TNFSF4: variants seen among roughly 807,000 people sequenced by gnomAD.
TNFSF4 encodes the protein TNF superfamily member 4, also known as tumor necrosis factor ligand superfamily member 4.
TNFSF4 carries 4 observed loss-of-function variants against 7.3 expected under a neutral mutation model. The observed-to-expected ratio is 0.55, with a 90% CI of 0.27 to 1.25. TNFSF4 has a LOEUF of 1.25. TNFSF4 is among the 50% of genes most tolerant of loss of function. The pLI, the probability that TNFSF4 is intolerant of heterozygous loss-of-function variation, is 0.12. For synonymous variants in TNFSF4, 76 were observed against 83.7 expected (o/e 0.91, Z 0.50); for missense variants, 181 against 208.8 (o/e 0.87, Z 0.82).
chr1:173,370,944 AC>A, the TNFSF4 span, among the ~76,000 whole-genome samples: 90 of 152,130 alleles, frequency 5.9e-4, no homozygotes, highest in African/African-American at 2.0e-3. Context: ...GAAACAAGCC[AC>A]CCCCTCATCC....
the TNFSF4 span, among the ~76,000 whole-genome samples, chr1:173,389,442 T>C: frequency 1.3e-5 from 2 of 152,210 alleles, no homozygotes; most frequent in Non-Finnish European, 2.9e-5. Context: ...CCTTTTTTTC[T>C]TTCTTGTTAC....
the TNFSF4 span, among the ~76,000 whole-genome samples, chr1:173,435,211 T>A: frequency 1.3e-5 from 2 of 152,222 alleles, no homozygotes; most frequent in African/African-American, 4.8e-5. Context: ...AGACAGGCTT[T>A]ACCTACTAGA....
At chr1:173,415,961 C>T in the TNFSF4 span, among the ~76,000 whole-genome samples, 6 of 152,276 alleles carry the variant, frequency 3.9e-5, no homozygotes, top group South Asian at 1.2e-3. Flanking sequence ...AAAGGAATGT[C>T]ATGATGTGGG....
At chr1:173,254,476 G>T in the TNFSF4 span, among the ~76,000 whole-genome samples, 5 of 152,086 alleles carry the variant, frequency 3.3e-5, no homozygotes, top group African/African-American at 4.8e-5. Context: ...CTGTTTTCAG[G>T]ATAAAATGGT....
the TNFSF4 span, among the ~76,000 whole-genome samples, chr1:173,361,158 G>T: frequency 6.6e-6 from 1 of 152,220 alleles, no homozygotes; most frequent in Non-Finnish European, 1.5e-5. Context: ...AATAACACCA[G>T]ATGTTTGTTA....
the TNFSF4 span, among the ~76,000 whole-genome samples, chr1:173,433,628 G>C: frequency 6.6e-6 from 1 of 152,090 alleles, no homozygotes; most frequent in African/African-American, 2.4e-5. Context: ...CCTGAGCCTG[G>C]GGAGATCAAG....
chr1:173,268,081 A>G, the TNFSF4 span, among the ~76,000 whole-genome samples: 1 of 152,142 alleles, frequency 6.6e-6, no homozygotes, highest in Non-Finnish European at 1.5e-5. Flanking sequence ...TCAAGGACAA[A>G]GGAGAAACAA....
chr1:173,337,165 T>G, the TNFSF4 span, among the ~76,000 whole-genome samples: 1 of 152,170 alleles, frequency 6.6e-6, no homozygotes, highest in Non-Finnish European at 1.5e-5. Flanking sequence ...TGTATTGCAG[T>G]GCAGGCCCCT....
upstream of TNFSF4, among the ~76,000 whole-genome samples, chr1:173,209,235 T>G (rs2102005951): frequency 6.6e-6 from 1 of 152,310 alleles, no homozygotes; most frequent in Admixed American, 6.5e-5. Context: ...GCTCTTCACA[T>G]TCTTTGTGGG....
At chr1:173,448,285 C>A in the TNFSF4 span, among the ~76,000 whole-genome samples, 1 of 152,168 alleles carries the variant, frequency 6.6e-6, no homozygotes, top group South Asian at 2.1e-4. Context: ...TTATAAAACA[C>A]TCTACCCAAC....
At chr1:173,238,554 C>A in the TNFSF4 span, among the ~76,000 whole-genome samples, 91 of 149,956 alleles carry the variant, frequency 6.1e-4, 1 homozygote, top group African/African-American at 2.2e-3. Flanking sequence ...CTTAAACAAA[C>A]ATACAAGCAA....
the TNFSF4 span, among the ~76,000 whole-genome samples, chr1:173,421,316 T>A: frequency 6.6e-6 from 1 of 152,276 alleles, no homozygotes; most frequent in East Asian, 1.9e-4. Context: ...TAGATTCTTA[T>A]TTGATAAATT....
the TNFSF4 span, among the ~76,000 whole-genome samples, chr1:173,408,147 A>C: frequency 6.6e-6 from 1 of 152,204 alleles, no homozygotes; most frequent in African/African-American, 2.4e-5. Flanking sequence ...ATAGCAACCC[A>C]AACAGACTAA....
the TNFSF4 span, among the ~76,000 whole-genome samples, chr1:173,356,648 A>T: frequency 1.3e-5 from 2 of 152,188 alleles, no homozygotes; most frequent in East Asian, 3.8e-4. Flanking sequence ...TTCACAATCC[A>T]AGCTATATGT....
At chr1:173,410,090 C>A in the TNFSF4 span, among the ~76,000 whole-genome samples, 1 of 151,902 alleles carries the variant, frequency 6.6e-6, no homozygotes, top group Non-Finnish European at 1.5e-5. Context: ...CATAGTGAGA[C>A]CTCATCTCTA....
At chr1:173,242,231 T>G in the TNFSF4 span, among the ~76,000 whole-genome samples, 1 of 152,136 alleles carries the variant, frequency 6.6e-6, no homozygotes, top group African/African-American at 2.4e-5. Flanking sequence ...ATACTCACTC[T>G]CCTTTTAAAA....
the TNFSF4 span, among the ~76,000 whole-genome samples, chr1:173,428,357 G>A: frequency 6.6e-6 from 1 of 152,184 alleles, no homozygotes; most frequent in African/African-American, 2.4e-5. Flanking sequence ...GGAGGATACT[G>A]TTACAGAGGA....
At chr1:173,172,997 G>T in the TNFSF4 span, among the ~76,000 whole-genome samples, 261 of 152,236 alleles carry the variant, frequency 1.7e-3, 2 homozygotes, top group African/African-American at 5.8e-3. Context: ...AGCAAGAAGT[G>T]CAGAGTGAAG....
At chr1:173,249,208 G>T in the TNFSF4 span, among the ~76,000 whole-genome samples, 2 of 152,206 alleles carry the variant, frequency 1.3e-5, no homozygotes, top group Non-Finnish European at 2.9e-5. Flanking sequence ...AAATACTAGA[G>T]AGTGAGCAGG....
Sources: allele counts gnomAD v4.1 joint callset (sites outside exome capture counted in the v4.1 genomes callset), GRCh38; gene constraint gnomAD v4.1.1; transcripts MANE v1.5; gene names NCBI Gene and HGNC (gene_info 2026-07-23, HGNC 2026-07-21).